PDZD2: variants seen among roughly 807,000 people sequenced by gnomAD.
PDZD2 encodes PDZ domain-containing protein 2.
A neutral mutation model predicts 220.7 loss-of-function variants in PDZD2; 90 were observed. That is an observed-to-expected ratio of 0.41 (90% CI 0.34 to 0.49). PDZD2 has a LOEUF of 0.49. Ranked by LOEUF, PDZD2 falls within the 20% of genes least tolerant of loss-of-function variation. PDZD2 has a pLI of 0.28. For missense variants in PDZD2, 3,174 were observed against 3,608.5 expected (o/e 0.88, Z 3.08); for synonymous variants, 1,375 against 1,450.5 (o/e 0.95, Z 1.18).
intron 2 of PDZD2, among the ~76,000 whole-genome samples, chr5:31,881,294 A>G (rs756175436): frequency 1.4e-5 from 2 of 147,010 alleles, no homozygotes; most frequent in Non-Finnish European, 3.0e-5. Flanking sequence ...GTTTTTAATG[A>G]CACTGACTTG....
chr5:32,099,021 A>T (rs1234244305), intron 23 of PDZD2, among the ~76,000 whole-genome samples: 1 of 152,224 alleles, frequency 6.6e-6, no homozygotes, highest in Admixed American at 6.5e-5. Context: ...TATCCTTGGG[A>T]AACAGCAAGG....
At chr5:32,024,595 A>G (rs1754471069) in intron 6 of PDZD2, among the ~76,000 whole-genome samples, 1 of 152,034 alleles carries the variant, frequency 6.6e-6, no homozygotes, top group South Asian at 2.1e-4. Flanking sequence ...AGGCAGGAGA[A>G]TCGCATGAAT....
intron 1 of PDZD2, among the ~76,000 whole-genome samples, chr5:31,694,707 G>A (rs923446874): frequency 6.7e-6 from 1 of 150,356 alleles, no homozygotes; most frequent in Non-Finnish European, 1.5e-5. Context: ...CCCTATACAG[G>A]CTGGGCCTTG....
At chr5:31,924,996 A>C (rs1000538025) in intron 2 of PDZD2, among the ~76,000 whole-genome samples, 1 of 152,190 alleles carries the variant, frequency 6.6e-6, no homozygotes, top group African/African-American at 2.4e-5. Flanking sequence ...AATTGTCTCC[A>C]TTTCTGTGAA....
Position 31,648,853 on chromosome 5 carries a change from G to A in PDZD2, c.-361+9416G>A, listed in dbSNP as rs151278529. 4.6e-5 allele frequency among the ~76,000 whole-genome samples: 7 copies of A among 151,896 alleles called. No homozygotes were observed. In the East Asian group the frequency reaches 7.7e-4, roughly 17 times the overall value. On this transcript the variant is annotated intron_variant, in intron 1 of 24. Coordinates refer to ENST00000438447, the MANE Select transcript of PDZD2 (RefSeq NM_178140.4). ...CTGTGTTGGAACATCGTTATCCCTCGAGTCCATAGTTTACCTTAGGGGTTC... is the reference window on the plus strand; with the variant it reads ...CTGTGTTGGAACATCGTTATCCCTCAAGTCCATAGTTTACCTTAGGGGTTC...
At chr5:31,986,216 T>C (rs892910680) in intron 3 of PDZD2, among the ~76,000 whole-genome samples, 2 of 151,252 alleles carry the variant, frequency 1.3e-5, no homozygotes, top group African/African-American at 4.9e-5. Context: ...ACAACCAAAC[T>C]GATCCATTGC....
rs756716845 is a variant in PDZD2, at chr5:32,074,396, G to A, written c.3290G>A (p.Ser1097Asn). ...TACACAGTCCGTACAGACACCCAGA[G>A]TCCGACGAACACTGGGAGCCCCAGT... is the stretch of plus-strand genomic sequence containing the variant. ...LEYTVRTDTQ[S>N]PTNTGSPSSP... The change falls in exon 18 of 25, where the codon AGT (serine) becomes AAT (asparagine). Residue 1097 changes from serine to asparagine, a missense_variant. Ser to Asn is a conservative substitution (Grantham distance 46). Transcript: ENST00000438447. 6.2e-7 allele frequency: 1 copy of A among 1,614,206 alleles called. No homozygotes were observed. Among genetic ancestry groups the A allele is most frequent in the Non-Finnish European group, 8.5e-7 (1 of 1,180,038 alleles).
intron 1 of PDZD2, among the ~76,000 whole-genome samples, chr5:31,687,382 C>CT (rs1746915200): frequency 6.6e-6 from 1 of 152,158 alleles, no homozygotes; most frequent in African/African-American, 2.4e-5. Context: ...CAAACATGGC[C>CT]TTTCCTCCAG....
At position 31,719,561 on chromosome 5, in the gene PDZD2, G is replaced by A. The variant is rs1280014341; in HGVS notation, c.-360-79328G>A. On this transcript the variant is annotated intron_variant, in intron 1 of 24. Coordinates refer to ENST00000438447, the MANE Select transcript of PDZD2 (RefSeq NM_178140.4). ...ATTTGGAAAAACTCACTATTATTCAGTTTTAGCAATAGAAACATCACTAGT... is the reference window on the plus strand; with the variant it reads ...ATTTGGAAAAACTCACTATTATTCAATTTTAGCAATAGAAACATCACTAGT... Among the ~76,000 whole-genome samples the A allele has an allele frequency of 2.0e-5, 3 of 152,112 alleles. No homozygotes were observed. In the East Asian group the frequency reaches 5.8e-4, roughly 29 times the overall value.
chr5:32,107,679 G>GGAT (rs1340241565), intron 24 of PDZD2, among the ~76,000 whole-genome samples: 1 of 152,262 alleles, frequency 6.6e-6, no homozygotes, highest in East Asian at 1.9e-4. Context: ...TCTTTAGTCT[G>GGAT]GATGTTAACC....
At chr5:31,944,761 C>T (rs993885765) in intron 2 of PDZD2, among the ~76,000 whole-genome samples, 1 of 152,180 alleles carries the variant, frequency 6.6e-6, no homozygotes, top group Non-Finnish European at 1.5e-5. Flanking sequence ...CCAGGTGACT[C>T]TCTCATGGTG....
intron 2 of PDZD2, among the ~76,000 whole-genome samples, chr5:31,874,970 C>CT (rs1739175954): frequency 6.6e-6 from 1 of 152,228 alleles, no homozygotes; most frequent in African/African-American, 2.4e-5. Context: ...TCCTTCCAGT[C>CT]TAAGTTTTGA....
chr5:31,858,872 C>G (rs1758688651), intron 2 of PDZD2, among the ~76,000 whole-genome samples: 1 of 152,106 alleles, frequency 6.6e-6, no homozygotes, highest in Non-Finnish European at 1.5e-5. Flanking sequence ...GCATGCATCA[C>G]CTTGCCCAGC....
At chr5:31,696,385 A>C (rs1390585924) in intron 1 of PDZD2, among the ~76,000 whole-genome samples, 1 of 152,148 alleles carries the variant, frequency 6.6e-6, no homozygotes, top group Admixed American at 6.5e-5. Context: ...CTGCAGCCTC[A>C]GACTCCTGGC....
intron 2 of PDZD2, among the ~76,000 whole-genome samples, chr5:31,982,573 C>G (rs1408410561): frequency 6.6e-6 from 1 of 152,320 alleles, no homozygotes; most frequent in Admixed American, 6.5e-5. Flanking sequence ...TCCCAAAGCG[C>G]TGGATTACAG....
Position 32,101,192 on chromosome 5 carries a change from C to T in PDZD2, c.8306C>T (p.Ser2769Leu), listed in dbSNP as rs1744227067. Reference protein sequence around the residue: ...GLGLSLDGGKSSVTGDGPLVI... With the variant: ...GLGLSLDGGKLSVTGDGPLVI... Reference sequence around the variant, plus strand: ...GGACTGAGTCTGGATGGGGGAAAATCATCGGTGACGGGAGATGGGCCCTTG... The same window carrying T: ...GGACTGAGTCTGGATGGGGGAAAATTATCGGTGACGGGAGATGGGCCCTTG... The change falls in exon 24 of 25, where the codon TCA becomes TTA. Residue 2769 changes from serine (S) to leucine (L), a missense_variant. By Grantham distance (145) the Ser-to-Leu change is moderately radical (BLOSUM62 -2). Transcript: ENST00000438447. 6.2e-7 allele frequency: 1 copy of T among 1,613,922 alleles called. No individual in the cohort carries two copies.
chr5:32,065,939 G>A (rs1382252173), intron 14 of PDZD2, among the ~76,000 whole-genome samples: 2 of 152,052 alleles, frequency 1.3e-5, no homozygotes, highest in Non-Finnish European at 2.9e-5. Context: ...CAGGAGAATC[G>A]CTTGAACCTG....
intron 1 of PDZD2, among the ~76,000 whole-genome samples, chr5:31,694,256 G>T (rs970620668): frequency 6.6e-6 from 1 of 152,108 alleles, no homozygotes; most frequent in African/African-American, 2.4e-5. Flanking sequence ...GCCGGGCGTG[G>T]TGGCCAGTGC....
chr5:31,994,561 C>G (rs1481572733), intron 3 of PDZD2, among the ~76,000 whole-genome samples: 1 of 152,080 alleles, frequency 6.6e-6, no homozygotes, highest in Admixed American at 6.5e-5. Context: ...TCTTGGCCCA[C>G]TACAACCTCC....
Sources: allele counts gnomAD v4.1 joint callset (sites outside exome capture counted in the v4.1 genomes callset), GRCh38; gene constraint gnomAD v4.1.1; transcripts MANE v1.5; gene names NCBI Gene and HGNC (gene_info 2026-07-23, HGNC 2026-07-21).